Variants in FBXO38 observed in about 807,000 individuals in gnomAD.
FBXO38 encodes the protein F-box protein 38, also known as F-box only protein 38.
Under a neutral mutation model 131.9 loss-of-function variants are expected in FBXO38, and 53 were observed. That is an observed-to-expected ratio of 0.40 (90% confidence interval 0.32 to 0.51). FBXO38 has a LOEUF of 0.51. Among genes scored for constraint, FBXO38 ranks in the 20% least tolerant of loss-of-function variants. FBXO38 has a pLI of 0.53. For synonymous variants in FBXO38, 452 were observed against 505.6 expected (o/e 0.89, Z 1.42); for missense variants, 1,076 against 1,475.6 (o/e 0.73, Z 4.44).
intron 9 of FBXO38, among the ~76,000 whole-genome samples, chr5:148,411,636 G>A (rs10060623): frequency 0.27 from 41,050 of 151,630 alleles, 5,576 homozygotes; most frequent in African/African-American, 0.3. Context: ...TTTTTTGTTT[G>A]TTTACTTTTT....
intron 17 of FBXO38, among the ~76,000 whole-genome samples, chr5:148,436,273 ACC>A (rs1754343100): frequency 6.6e-6 from 1 of 152,184 alleles, no homozygotes; most frequent in Non-Finnish European, 1.5e-5. Flanking sequence ...ATATGCACAC[ACC>A]CACACACACA....
intron 1 of FBXO38, among the ~76,000 whole-genome samples, chr5:148,392,805 TG>T (rs762615616): frequency 3.3e-5 from 5 of 151,858 alleles, no homozygotes; most frequent in Non-Finnish European, 7.4e-5. Flanking sequence ...ATAATACAAA[TG>T]GGTCAGATGG....
intron 12 of FBXO38, among the ~76,000 whole-genome samples, chr5:148,423,352 A>G (rs1269020804): frequency 6.6e-6 from 1 of 152,180 alleles, no homozygotes; most frequent in Non-Finnish European, 1.5e-5. Flanking sequence ...GCTAGTAATA[A>G]TGCCCTCACA....
At chr5:148,389,001 G>A (rs1210344933) in intron 1 of FBXO38, among the ~76,000 whole-genome samples, 1 of 152,170 alleles carries the variant, frequency 6.6e-6, no homozygotes, top group East Asian at 1.9e-4. Flanking sequence ...TGAACACTTA[G>A]AGGCCGTTGT....
chr5:148,421,069 C>T (rs965478122), intron 12 of FBXO38, among the ~76,000 whole-genome samples: 2 of 151,742 alleles, frequency 1.3e-5, no homozygotes, highest in African/African-American at 2.4e-5. Flanking sequence ...TGGGTTCAAG[C>T]GATTCTCCTG....
chr5:148,399,003 C>G lies in FBXO38; in HGVS notation c.133C>G (p.Leu45Val). 1 of 1,613,138 alleles carries G rather than the reference C, an allele frequency of 6.2e-7. No individual in the cohort carries two copies. The highest frequency in any genetic ancestry group is 8.5e-7 in the Non-Finnish European group (1 of 1,179,396). The change falls in exon 3 of 22, where the codon CTC (leucine) becomes GTC (valine). Residue 45 changes from leucine to valine, a missense_variant. This residue lies in a region of FBXO38 where 58 missense variants were observed against 53.1 expected (regional missense o/e 1.09). Coordinates refer to ENST00000340253, the MANE Select transcript of FBXO38 (RefSeq NM_205836.3). ...GAGTTTCTTTCTCTCACAAAGGTACCTCCCTCTGCAGGATATCATGTGTAT... is the reference window on the plus strand; with the variant it reads ...GAGTTTCTTTCTCTCACAAAGGTACGTCCCTCTGCAGGATATCATGTGTAT... The part of the protein sequence containing the change: ...HEVLCHIFRY[L>V]PLQDIMCMEC...
chr5:148,414,780 C>T (rs1465730452), intron 10 of FBXO38, among the ~76,000 whole-genome samples: 1 of 152,160 alleles, frequency 6.6e-6, no homozygotes, highest in Non-Finnish European at 1.5e-5. Context: ...CCTCCAATCT[C>T]CTATATGTAG....
At chr5:148,401,953 C>G (rs372654860) in intron 3 of FBXO38, 29 bp from the exon 4 acceptor site, 28 of 1,553,076 alleles carry the variant, frequency 1.8e-5, no homozygotes, top group Non-Finnish European at 2.5e-5. Context: ...AAAGATGAAC[C>G]TGGCTCTAAA....
chr5:148,394,858 G>A lies in FBXO38; in HGVS notation c.82G>A (p.Asp28Asn). 1 of 1,600,262 alleles carries A rather than the reference G, an allele frequency of 6.2e-7. No individual in the cohort carries two copies. ...PEEMTADETK[D>N]YMNQLSHEVL... ...AGAAATGACAGCAGATGAAACAAAG[G>A]ACTATATGAATCAACTTTCACATGA... Residue 28 changes from aspartate to asparagine, a missense_variant, in exon 2 of 22, where the codon GAC becomes AAC. Asp to Asn is a conservative substitution (Grantham distance 23). This residue lies in a region of FBXO38 where 58 missense variants were observed against 53.1 expected (regional missense o/e 1.09). Transcript: ENST00000340253.
chr5:148,423,814 G>A (rs372272866), intron 12 of FBXO38, 184 bp from the exon 13 acceptor site: 1 of 485,730 alleles, frequency 2.1e-6, no homozygotes, highest in East Asian at 3.4e-5. Flanking sequence ...CTCTCCTGTA[G>A]ACTGATTAAA....
intron 1 of FBXO38, among the ~76,000 whole-genome samples, chr5:148,385,500 C>T (rs1346584797): frequency 6.6e-6 from 1 of 152,194 alleles, no homozygotes; most frequent in Non-Finnish European, 1.5e-5. Flanking sequence ...GTACATCCTG[C>T]CTCTGTGACT....
In FBXO38 at chr5:148,422,979, T is replaced by TGTTG. The variant is rs530081716; in HGVS notation, c.1619-1016_1619-1015insGGTT. Among the ~76,000 whole-genome samples, 158 of 152,276 alleles carry TGTTG rather than the reference T, an allele frequency of 1.0e-3. 1 individual carries two copies. Among genetic ancestry groups the TGTTG allele is most frequent in the East Asian group, 6.9e-3 (36 of 5,190 alleles). ...TTGTTTGTTTGTTTGTTTGTTTGTT[T>TGTTG]GTTTGTTTTAACCACTGGACTACTA... On this transcript the variant is annotated intron_variant, in intron 12 of 21. Coordinates refer to ENST00000340253, the MANE Select transcript of FBXO38 (RefSeq NM_205836.3).
Position 148,406,414 on chromosome 5 carries a change from A to C in FBXO38, c.868+20A>C. ...GATCAGGTATTCATTTTCTTTAATT[A>C]CTAAATATTTTTTAAAAATCAACTT... On this transcript the variant is annotated intron_variant, in intron 7 of 21. Transcript: ENST00000340253. 6.6e-7 allele frequency: 1 copy of C among 1,521,686 alleles called. No individual in the cohort carries two copies. The highest frequency in any genetic ancestry group is 8.8e-7 in the Non-Finnish European group (1 of 1,134,112). The allele number at this position is 1,521,686 out of a possible 1,614,324, so 94.3% of individuals were successfully genotyped here.
At chr5:148,402,854 C>A (rs1383456247) in intron 5 of FBXO38, among the ~76,000 whole-genome samples, 9 of 152,030 alleles carry the variant, frequency 5.9e-5, no homozygotes, top group Admixed American at 5.3e-4. Flanking sequence ...ATATAGCTGG[C>A]CTTTAATATT....
intron 2 of FBXO38, 81 bp downstream of exon 2, chr5:148,394,985 A>G: frequency 3.1e-6 from 4 of 1,275,178 alleles, no homozygotes; most frequent in Non-Finnish European, 4.2e-6. Flanking sequence ...TGTGGTAGCT[A>G]CCAGCTACAT....
chr5:148,387,660 A>G (rs1220892114), intron 1 of FBXO38, among the ~76,000 whole-genome samples: 3 of 149,288 alleles, frequency 2.0e-5, no homozygotes, highest in Non-Finnish European at 3.0e-5. Flanking sequence ...ATCACAGTCT[A>G]TGGCAGCTAT....
intron 7 of FBXO38, 25 bp from the exon 8 acceptor site, chr5:148,409,099 A>G (rs1752598629): frequency 1.5e-6 from 2 of 1,374,630 alleles, no homozygotes; most frequent in Admixed American, 1.7e-5. Flanking sequence ...ATGGTCAAAC[A>G]CTTGTTTTTG....
Position 148,417,127 on chromosome 5 carries a change from A to G in FBXO38, c.1541A>G (p.His514Arg). The change falls in exon 12 of 22, where the codon CAT (histidine) becomes CGT (arginine). Residue 514 changes from histidine to arginine, a missense_variant. Physicochemically the swap from His to Arg is conservative, Grantham distance 29 (BLOSUM62 0). Transcript: ENST00000340253. ...GCCAACATCCACGACAACAATCACC[A>G]TCATCCAGATGACTCAGACGAGGAG... ...NNANIHDNNH[H>R]HPDDSDEEND... 2 of 1,613,832 alleles carry G rather than the reference A, an allele frequency of 1.2e-6. No individual in the cohort carries two copies. The highest frequency in any genetic ancestry group is 1.1e-5 in the South Asian group (1 of 91,086).
At chr5:148,432,056 C>T (rs1754070241) in intron 15 of FBXO38, among the ~76,000 whole-genome samples, 1 of 152,130 alleles carries the variant, frequency 6.6e-6, no homozygotes, top group South Asian at 2.1e-4. Flanking sequence ...GTTCAATTTC[C>T]TTGTCTTTTT....
Sources: allele counts gnomAD v4.1 joint callset (sites outside exome capture counted in the v4.1 genomes callset), GRCh38; gene constraint gnomAD v4.1.1; regional missense constraint gnomAD v4.1.1; transcripts MANE v1.5; gene names NCBI Gene and HGNC (gene_info 2026-07-23, HGNC 2026-07-21).